LIN9: variants seen among roughly 807,000 people sequenced by gnomAD.
The protein encoded by LIN9 is protein lin-9 homolog.
In LIN9, 18 loss-of-function variants were observed where a neutral mutation model predicts 78.0. That is an observed-to-expected ratio of 0.23 (90% CI 0.16 to 0.34). The LOEUF is 0.34. Ranked by LOEUF, LIN9 falls within the 10% of genes least tolerant of loss-of-function variation. The pLI is 1.00. For missense variants in LIN9, 451 were observed against 644.1 expected (o/e 0.70, Z 3.25); for synonymous variants, 192 against 215.2 (o/e 0.89, Z 0.94).
Position 226,305,688 on chromosome 1 carries a change from G to A in LIN9, c.31+3421C>T, listed in dbSNP as rs141831440. Among the ~76,000 whole-genome samples the A allele has an allele frequency of 1.5e-3, 227 of 152,160 alleles. 1 individual carries two copies. The South Asian group carries it at 0.018, about 12-fold the overall frequency. ...ACCCTGGAGAAAAGGGGAGACTGGC[G>A]AGTATCGGGAATGAAAAAGGTCCAA... On this transcript the variant is annotated intron_variant, in intron 1 of 14. Coordinates refer to ENST00000681046, the MANE Select transcript of LIN9 (RefSeq NM_001366245.2).
rs76033931 is a variant in LIN9, at chr1:226,272,559, T to A, written c.683-4469A>T. 3.8e-3 allele frequency among the ~76,000 whole-genome samples: 555 copies of A among 145,506 alleles called. 24 individuals carry two copies. The South Asian group carries it at 0.069, about 18-fold the overall frequency. The stretch of plus-strand genomic sequence containing the variant: ...TTGACCTTTTTTTTTTTTTTTTTTT[T>A]AATGTTTGTAGAGACAGGGTCTCAC... On this transcript the variant is annotated intron_variant, in intron 7 of 14. Coordinates refer to ENST00000681046, the MANE Select transcript of LIN9 (RefSeq NM_001366245.2).
intron 11 of LIN9, among the ~76,000 whole-genome samples, chr1:226,243,911 G>GT (rs1324682499): frequency 6.6e-6 from 1 of 150,868 alleles, no homozygotes; most frequent in Non-Finnish European, 1.5e-5. Context: ...GTCTTGCTCT[G>GT]TCGCCCAGGC....
intron 6 of LIN9, among the ~76,000 whole-genome samples, chr1:226,285,004 T>C (rs1661306074): frequency 6.6e-6 from 1 of 152,142 alleles, no homozygotes; most frequent in African/African-American, 2.4e-5. Flanking sequence ...CTGGACTTCC[T>C]CAAAGAAAGA....
intron 10 of LIN9, among the ~76,000 whole-genome samples, chr1:226,254,059 G>A (rs2102875795): frequency 6.6e-6 from 1 of 152,308 alleles, no homozygotes; most frequent in African/African-American, 2.4e-5. Flanking sequence ...AGACTCCTGA[G>A]TAGTAGGGAC....
intron 10 of LIN9, among the ~76,000 whole-genome samples, chr1:226,261,397 GA>G (rs1024747140): frequency 8.1e-4 from 111 of 137,288 alleles, no homozygotes; most frequent in African/African-American, 1.3e-3. Flanking sequence ...AAAGAAATGA[GA>G]AAAAAAAAAA....
chr1:226,268,089 T>C lies in LIN9; in HGVS notation c.684A>G (p.Ala228=), dbSNP rs752792549. Residue 228 remains alanine, a splice_region_variant and synonymous_variant, in exon 8 of 15, where the codon GCA becomes GCG. Transcript: ENST00000681046. ...LPLVIGTKVT[A]RLRGVHDGLF... is the part of the protein sequence containing the mutation. ...AACCATCATGAACACCACGTAATCG[T>C]GCTGAGAAAAGAACAAAGGCATTAT... 6 of 1,613,128 alleles carry C rather than the reference T, an allele frequency of 3.7e-6. No individual in the cohort carries two copies. Among genetic ancestry groups the C allele is most frequent in the Non-Finnish European group, 4.2e-6 (5 of 1,179,552 alleles).
At chr1:226,245,180 T>C (rs189929423) in intron 11 of LIN9, among the ~76,000 whole-genome samples, 1 of 152,340 alleles carries the variant, frequency 6.6e-6, no homozygotes, top group African/African-American at 2.4e-5. Flanking sequence ...TATAATTTTA[T>C]GTGACGCCAG....
At chr1:226,253,046 T>C (rs549007692) in intron 10 of LIN9, among the ~76,000 whole-genome samples, 9 of 151,992 alleles carry the variant, frequency 5.9e-5, no homozygotes, top group African/African-American at 1.9e-4. Context: ...GAGGATCACT[T>C]GAGTCCAGGA....
chr1:226,245,089 C>T (rs1576283827), intron 11 of LIN9, among the ~76,000 whole-genome samples: 1 of 152,106 alleles, frequency 6.6e-6, no homozygotes, highest in Non-Finnish European at 1.5e-5. Context: ...GAGGGAACTC[C>T]CCTTCACCAT....
intron 1 of LIN9, among the ~76,000 whole-genome samples, chr1:226,307,039 G>A (rs1158489973): frequency 6.6e-6 from 1 of 152,174 alleles, no homozygotes; most frequent in Non-Finnish European, 1.5e-5. Flanking sequence ...ATTTGAAAGT[G>A]GAGCTGGAAT....
chr1:226,309,653 G>A, upstream of LIN9: 1 of 1,276,664 alleles, frequency 7.8e-7, no homozygotes, highest in South Asian at 1.2e-5. Context: ...TTGCTTGGGC[G>A]CCTCCGTCCC....
intron 6 of LIN9, 142 bp from the exon 7 acceptor site, chr1:226,278,074 CCTCCATCTCCGGCTCAAGCGATTCTGGG>C (rs1183922516): frequency 5.4e-5 from 33 of 611,312 alleles, no homozygotes; most frequent in Non-Finnish European, 8.3e-5. Flanking sequence ...CTCACTGCAA[CCTCCATCTCCGGCTCAAGCGATTCTGGG>C]CTCCACCTCC....
chr1:226,268,449 T>G (rs529361391), intron 7 of LIN9, among the ~76,000 whole-genome samples: 4 of 152,218 alleles, frequency 2.6e-5, no homozygotes, highest in Non-Finnish European at 5.9e-5. Flanking sequence ...AAAGATGTTG[T>G]GTAGAAAATA....
chr1:226,305,315 G>GAAAAAAAAAAAAA (rs111859953), intron 1 of LIN9, among the ~76,000 whole-genome samples: 8 of 77,438 alleles, frequency 1.0e-4, no homozygotes, highest in African/African-American at 2.0e-4. Flanking sequence ...ACAAAAAAAA[G>GAAAAAAAAAAAAA]AAAAAAAAAA....
intron 11 of LIN9, among the ~76,000 whole-genome samples, chr1:226,244,958 T>A (rs938917000): frequency 6.6e-6 from 1 of 152,220 alleles, no homozygotes; most frequent in East Asian, 1.9e-4. Context: ...GCAATGAACA[T>A]GTAGTCATTT....
At chr1:226,272,565 T>C (rs1221098480) in intron 7 of LIN9, among the ~76,000 whole-genome samples, 2 of 150,534 alleles carry the variant, frequency 1.3e-5, no homozygotes, top group Non-Finnish European at 3.0e-5. Flanking sequence ...TTTTTAATGT[T>C]TGTAGAGACA....
chr1:226,304,405 T>C (rs1662771149), intron 1 of LIN9, among the ~76,000 whole-genome samples: 1 of 152,200 alleles, frequency 6.6e-6, no homozygotes, highest in Non-Finnish European at 1.5e-5. Context: ...TAAGCACTGT[T>C]AGGGGCGAGG....
At chr1:226,284,658 A>G (rs1457777249) in intron 6 of LIN9, among the ~76,000 whole-genome samples, 1 of 152,202 alleles carries the variant, frequency 6.6e-6, no homozygotes, top group African/African-American at 2.4e-5. Flanking sequence ...CAGAAGGCAG[A>G]GGCTGCAGTA....
chr1:226,245,716 G>A (rs562329788), intron 11 of LIN9, among the ~76,000 whole-genome samples: 1 of 151,870 alleles, frequency 6.6e-6, no homozygotes, highest in East Asian at 1.9e-4. Flanking sequence ...TCCTGCCTCA[G>A]CCTCCTGCGT....
Sources: gnomAD v4.1 joint callset for allele counts (sites outside exome capture counted in the v4.1 genomes callset) on GRCh38, gnomAD v4.1.1 for gene constraint, MANE v1.5 for transcripts, NCBI Gene and HGNC (gene_info 2026-07-23, HGNC 2026-07-21) for gene names.